The following RANBP2 variants were observed in gnomAD, a reference collection of about 807,000 sequenced individuals.
RANBP2 encodes E3 SUMO-protein ligase RanBP2.
A neutral mutation model predicts 303.6 loss-of-function variants in RANBP2; 57 were observed. The observed-to-expected ratio is 0.19, with a 90% CI of 0.15 to 0.23. The LOEUF is 0.23. RANBP2 is among the 10% of genes least tolerant of loss of function. The probability of loss-of-function intolerance (pLI) is 1.00; values close to 1 mark genes in which losing one functional copy is unlikely to be tolerated. For missense variants in RANBP2, 3,138 were observed against 3,780.8 expected, an observed-to-expected ratio of 0.83 and a Z score of 4.46; for synonymous variants, 1,167 against 1,301.5, an observed-to-expected ratio of 0.90 and a Z score of 2.23.
At chr2:109,396,688 C>T in the RANBP2 span, among the ~76,000 whole-genome samples, 2 of 152,234 alleles carry the variant, frequency 1.3e-5, no homozygotes, top group Admixed American at 6.5e-5. Flanking sequence ...ACCAGGCTGA[C>T]GTCAGACTTG....
chr2:109,599,458 C>CAAA, the RANBP2 span, among the ~76,000 whole-genome samples: 3 of 63,310 alleles, frequency 4.7e-5, no homozygotes, highest in Admixed American at 1.7e-4. Context: ...ACTCAGTCTC[C>CAAA]AAAAAAAAAA....
the RANBP2 span, among the ~76,000 whole-genome samples, chr2:109,075,699 A>G: frequency 6.6e-6 from 1 of 150,520 alleles, no homozygotes; most frequent in Non-Finnish European, 1.5e-5. Flanking sequence ...GAACAATTAT[A>G]TGCCAACATA....
At chr2:108,857,032 C>G in the RANBP2 span, 1 of 371,988 alleles carries the variant, frequency 2.7e-6, no homozygotes, top group Non-Finnish European at 4.8e-6. Context: ...TTTATCTTGT[C>G]TGCATGTATA....
At chr2:109,262,367 A>T in the RANBP2 span, among the ~76,000 whole-genome samples, 1 of 152,180 alleles carries the variant, frequency 6.6e-6, no homozygotes, top group African/African-American at 2.4e-5. Context: ...GGGGGCAGCC[A>T]TGCTGATTGC....
the RANBP2 span, among the ~76,000 whole-genome samples, chr2:109,059,744 C>A: frequency 1.3e-5 from 2 of 152,210 alleles, no homozygotes; most frequent in African/African-American, 2.4e-5. Flanking sequence ...TGTAGGCTGA[C>A]CTGAGCTGCA....
the RANBP2 span, among the ~76,000 whole-genome samples, chr2:109,714,403 G>C: frequency 6.6e-6 from 1 of 152,226 alleles, no homozygotes; most frequent in South Asian, 2.1e-4. Flanking sequence ...CCAGGTTCTA[G>C]TGATTCTCCT....
At chr2:109,474,019 G>A in the RANBP2 span, among the ~76,000 whole-genome samples, 1 of 152,160 alleles carries the variant, frequency 6.6e-6, no homozygotes, top group Non-Finnish European at 1.5e-5. Flanking sequence ...GGGCTTTGAT[G>A]CTGGAGACTT....
At chr2:109,302,652 G>A in the RANBP2 span, among the ~76,000 whole-genome samples, 1 of 152,338 alleles carries the variant, frequency 6.6e-6, no homozygotes, top group African/African-American at 2.4e-5. Flanking sequence ...GGTCTGGCTC[G>A]GGATGGCGTG....
the RANBP2 span, among the ~76,000 whole-genome samples, chr2:108,834,866 T>C: frequency 2.0e-5 from 3 of 152,362 alleles, no homozygotes; most frequent in South Asian, 2.1e-4. Flanking sequence ...CATATGACTT[T>C]GTCACTTGAA....
chr2:109,658,759 C>T, the RANBP2 span, among the ~76,000 whole-genome samples: 15 of 151,282 alleles, frequency 9.9e-5, no homozygotes, highest in East Asian at 2.0e-4. Flanking sequence ...TGGGAAACCC[C>T]GTCTCTACTA....
At chr2:109,618,129 A>G in the RANBP2 span, 14 of 167,068 alleles carry the variant, frequency 8.4e-5, no homozygotes, top group Non-Finnish European at 1.8e-4. Context: ...AGAAGCACTT[A>G]TGCATACATG....
the RANBP2 span, among the ~76,000 whole-genome samples, chr2:108,880,725 C>G: frequency 6.6e-6 from 1 of 152,162 alleles, no homozygotes; most frequent in Admixed American, 6.5e-5. Flanking sequence ...TACTTTAAGC[C>G]TGCTGTTGAG....
the RANBP2 span, among the ~76,000 whole-genome samples, chr2:108,856,095 T>A: frequency 6.6e-6 from 1 of 152,214 alleles, no homozygotes; most frequent in Non-Finnish European, 1.5e-5. Flanking sequence ...TCTTACTACT[T>A]CATTTGCAAT....
the RANBP2 span, among the ~76,000 whole-genome samples, chr2:109,176,924 T>C: frequency 6.6e-6 from 1 of 152,046 alleles, no homozygotes; most frequent in African/African-American, 2.4e-5. Context: ...GTGAGACTGG[T>C]GGAAAGGAGA....
chr2:108,730,734 T>G lies in RANBP2; in HGVS notation c.141-40T>G, dbSNP rs753053694. On this transcript the variant is annotated intron_variant, in intron 2 of 28. Transcript: ENST00000283195. ...TTCGGTTAGCATTTAAAAGTACAGT[T>G]CTAAGTTTAATTTACTTTTGTATTA... 1.5e-5 allele frequency: 24 copies of G among 1,602,232 alleles called. 1 individual carries two copies. In the South Asian group the frequency reaches 2.6e-4, roughly 18 times the overall value.
chr2:108,956,147 G>A, the RANBP2 span, among the ~76,000 whole-genome samples: 1 of 152,248 alleles, frequency 6.6e-6, no homozygotes, highest in Admixed American at 6.5e-5. Context: ...TTAATGGATT[G>A]AAAGTATCCC....
At chr2:109,545,289 G>C in the RANBP2 span, 2 of 1,427,370 alleles carry the variant, frequency 1.4e-6, no homozygotes, top group East Asian at 5.3e-5. Context: ...TTAAGTGGGA[G>C]AAATAAAACA....
chr2:109,325,395 A>G, the RANBP2 span, among the ~76,000 whole-genome samples: 2 of 125,596 alleles, frequency 1.6e-5, no homozygotes, highest in South Asian at 5.0e-4. Flanking sequence ...AGGCTGGAGT[A>G]CAGTGGTGTG....
chr2:109,271,680 A>C, the RANBP2 span, among the ~76,000 whole-genome samples: 1 of 152,210 alleles, frequency 6.6e-6, no homozygotes, highest in African/African-American at 2.4e-5. Context: ...TGGGTGCTGC[A>C]TTGTCATTTA....
Sources: allele counts gnomAD v4.1 joint callset (sites outside exome capture counted in the v4.1 genomes callset), GRCh38; gene constraint gnomAD v4.1.1; transcripts MANE v1.5; gene names NCBI Gene and HGNC (gene_info 2026-07-23, HGNC 2026-07-21).